RAPGEF4: variants seen among roughly 807,000 people sequenced by gnomAD.
The protein encoded by RAPGEF4 is RAP guanine-nucleotide-exchange factor (GEF) 4.
In RAPGEF4, 66 loss-of-function variants were observed where a neutral mutation model predicts 147.9. The observed-to-expected ratio is 0.45, with a 90% CI of 0.37 to 0.55. RAPGEF4 has a LOEUF of 0.55. Ranked by LOEUF, RAPGEF4 falls within the 20% of genes least tolerant of loss-of-function variation. The pLI, the probability that RAPGEF4 is intolerant of heterozygous loss-of-function variation, is 0.00. For missense variants in RAPGEF4, 1,071 were observed against 1,257.3 expected (o/e 0.85, Z 2.24); for synonymous variants, 419 against 442.7 (o/e 0.95, Z 0.67).
At chr2:173,044,195 G>C (rs1338759750) in intron 29 of RAPGEF4, among the ~76,000 whole-genome samples, 1 of 149,570 alleles carries the variant, frequency 6.7e-6, no homozygotes, top group Non-Finnish European at 1.5e-5. Context: ...TGGAAAAGGG[G>C]CCAGGAGTTC....
intron 6 of RAPGEF4, among the ~76,000 whole-genome samples, chr2:172,953,697 T>C (rs187827600): frequency 2.8e-4 from 43 of 152,312 alleles, no homozygotes; most frequent in Middle Eastern, 3.4e-3. Context: ...GTACATGTTT[T>C]AAATGTTCAG....
chr2:172,799,029 G>C (rs1686693685), intron 3 of RAPGEF4, among the ~76,000 whole-genome samples: 1 of 152,186 alleles, frequency 6.6e-6, no homozygotes, highest in African/African-American at 2.4e-5. Flanking sequence ...AGACAGTCAA[G>C]GTGAGAGGTG....
At chr2:172,953,779 G>A (rs1318411743) in intron 6 of RAPGEF4, among the ~76,000 whole-genome samples, 1 of 152,036 alleles carries the variant, frequency 6.6e-6, no homozygotes, top group East Asian at 1.9e-4. Context: ...GGGGTGTGAG[G>A]GTGAGATCTG....
chr2:172,825,689 T>C (rs1278782830), intron 4 of RAPGEF4, among the ~76,000 whole-genome samples: 2 of 152,218 alleles, frequency 1.3e-5, no homozygotes, highest in Admixed American at 1.3e-4. Context: ...CTGTTTACTT[T>C]TCATGTTTCA....
intron 10 of RAPGEF4, among the ~76,000 whole-genome samples, chr2:172,981,524 G>A (rs1691682858): frequency 6.6e-6 from 1 of 152,216 alleles, no homozygotes; most frequent in African/African-American, 2.4e-5. Flanking sequence ...CACGAGATTG[G>A]TGTGCATTTG....
chr2:172,975,118 C>T (rs961722487), intron 10 of RAPGEF4, among the ~76,000 whole-genome samples: 12 of 152,174 alleles, frequency 7.9e-5, no homozygotes, highest in African/African-American at 2.9e-4. Context: ...AAGTATATTT[C>T]ATGCAATATT....
intron 30 of RAPGEF4, among the ~76,000 whole-genome samples, chr2:173,049,325 C>T (rs1685910377): frequency 6.6e-6 from 1 of 152,178 alleles, no homozygotes; most frequent in Non-Finnish European, 1.5e-5. Context: ...ACCAGTGCTA[C>T]TGTTTCTTCT....
intron 3 of RAPGEF4, among the ~76,000 whole-genome samples, chr2:172,801,659 C>A (rs17755455): frequency 1.3e-5 from 2 of 151,726 alleles, no homozygotes; most frequent in Non-Finnish European, 2.9e-5. Flanking sequence ...GGTCATAAAG[C>A]TGCTGGGTAT....
intron 1 of RAPGEF4, among the ~76,000 whole-genome samples, chr2:172,757,994 T>G (rs1695936570): frequency 6.6e-6 from 1 of 152,156 alleles, no homozygotes; most frequent in South Asian, 2.1e-4. Context: ...ATCTTATGTT[T>G]GAAGGCAGTA....
intron 4 of RAPGEF4, among the ~76,000 whole-genome samples, chr2:172,900,817 A>G (rs1698990048): frequency 6.6e-6 from 1 of 152,184 alleles, no homozygotes; most frequent in Non-Finnish European, 1.5e-5. Flanking sequence ...TTTAACACTA[A>G]TAATAATACT....
At chr2:172,922,665 A>G (rs1270301009) in intron 6 of RAPGEF4, among the ~76,000 whole-genome samples, 2 of 152,262 alleles carry the variant, frequency 1.3e-5, no homozygotes, top group Non-Finnish European at 2.9e-5. Flanking sequence ...AATACAAACT[A>G]TGAAATTCAG....
At chr2:172,771,002 T>C (rs890971003) in intron 1 of RAPGEF4, among the ~76,000 whole-genome samples, 6 of 152,186 alleles carry the variant, frequency 3.9e-5, no homozygotes, top group Admixed American at 6.5e-5. Context: ...TTGCAGAATA[T>C]AGCTTGGCCC....
chr2:172,961,272 G>T (rs747955951), intron 8 of RAPGEF4, 44 bp downstream of exon 8: 5 of 1,432,562 alleles, frequency 3.5e-6, no homozygotes, highest in South Asian at 1.2e-5. Context: ...TCATATTCAT[G>T]TTTAGTGAAA....
At chr2:172,868,441 T>C (rs775545596) in intron 4 of RAPGEF4, among the ~76,000 whole-genome samples, 26 of 152,330 alleles carry the variant, frequency 1.7e-4, no homozygotes, top group Non-Finnish European at 2.9e-4. Flanking sequence ...GTCTCTACTT[T>C]TTCATTCTAT....
chr2:172,814,636 C>A, intron 4 of RAPGEF4: 3 of 584,058 alleles, frequency 5.1e-6, no homozygotes, highest in Admixed American at 2.8e-5. Context: ...AGTGCTTGCT[C>A]AATTTTCTGT....
At chr2:172,834,766 T>C (rs1250135852) in intron 4 of RAPGEF4, among the ~76,000 whole-genome samples, 1 of 152,168 alleles carries the variant, frequency 6.6e-6, no homozygotes, top group Non-Finnish European at 1.5e-5. Flanking sequence ...CTACAAAAGA[T>C]TGGGTTTCAA....
intron 5 of RAPGEF4, among the ~76,000 whole-genome samples, chr2:172,918,577 G>A (rs925164198): frequency 6.6e-6 from 1 of 152,110 alleles, no homozygotes; most frequent in Non-Finnish European, 1.5e-5. Context: ...GCAAAGAAAC[G>A]AAGTTTTTCT....
chr2:172,887,691 G>A (rs1002570594), intron 4 of RAPGEF4, among the ~76,000 whole-genome samples: 5 of 152,182 alleles, frequency 3.3e-5, no homozygotes, highest in African/African-American at 1.2e-4. Context: ...GATCGCTGCT[G>A]CAGGAAGCCT....
chr2:172,985,325 A>C, intron 11 of RAPGEF4, 108 bp from the exon 12 acceptor site: 1 of 1,493,488 alleles, frequency 6.7e-7, no homozygotes, highest in East Asian at 2.3e-5. Context: ...AGATGACTGC[A>C]TGGGAAGCCC....
Sources: gnomAD v4.1 joint callset for allele counts (sites outside exome capture counted in the v4.1 genomes callset) on GRCh38, gnomAD v4.1.1 for gene constraint, MANE v1.5 for transcripts, NCBI Gene and HGNC (gene_info 2026-07-23, HGNC 2026-07-21) for gene names.